The following PCDHA3 variants were observed in gnomAD, a reference collection of about 807,000 sequenced individuals.
The protein encoded by PCDHA3 is protocadherin alpha-3.
Under a neutral mutation model 62.2 loss-of-function variants are expected in PCDHA3, and 41 were observed. The observed-to-expected ratio is 0.66, with a 90% CI of 0.51 to 0.86. PCDHA3 has a LOEUF of 0.86. Among genes scored for constraint, PCDHA3 ranks in the 40% least tolerant of loss-of-function variants. The pLI is 0.00. For synonymous variants in PCDHA3, 640 were observed against 555.4 expected (o/e 1.15, Z -2.14); for missense variants, 1,304 against 1,241.2 (o/e 1.05, Z -0.76).
intron 1 of PCDHA3, chr5:140,843,878 T>A (rs1234503395): frequency 5.4e-6 from 4 of 744,588 alleles, no homozygotes; most frequent in Non-Finnish European, 8.7e-6. Context: ...CTCAGTGGCA[T>A]AATACAGTAT....
intron 1 of PCDHA3, chr5:140,876,422 A>G: frequency 1.2e-6 from 2 of 1,613,978 alleles, no homozygotes; most frequent in Non-Finnish European, 1.7e-6. Context: ...AATGCCTATG[A>G]AATTCAGGTT....
chr5:140,827,867 C>A, intron 1 of PCDHA3: 1 of 615,732 alleles, frequency 1.6e-6, no homozygotes, highest in African/African-American at 1.8e-5. Context: ...TATGGTATAG[C>A]ACTGTTACGT....
intron 1 of PCDHA3, among the ~76,000 whole-genome samples, chr5:140,951,512 C>T (rs2094592870): frequency 6.6e-6 from 1 of 152,004 alleles, no homozygotes; most frequent in Non-Finnish European, 1.5e-5. Context: ...GAAAGCGGCT[C>T]ATCTTACATG....
At chr5:140,966,805 T>G in intron 1 of PCDHA3, 1 of 1,545,566 alleles carries the variant, frequency 6.5e-7, no homozygotes, top group East Asian at 2.4e-5. Context: ...CGACAGAGCA[T>G]CCACGGCTCC....
intron 1 of PCDHA3, chr5:140,969,344 T>G: frequency 6.2e-7 from 1 of 1,613,664 alleles, no homozygotes; most frequent in Non-Finnish European, 8.5e-7. Context: ...GAGACAGTGG[T>G]CAGGGGGTCT....
intron 1 of PCDHA3, among the ~76,000 whole-genome samples, chr5:140,888,848 CAG>C (rs1554183676): frequency 6.6e-6 from 1 of 151,980 alleles, no homozygotes; most frequent in African/African-American, 2.4e-5. Context: ...AGCCTGGTGA[CAG>C]AGTGAGACCA....
intron 1 of PCDHA3, among the ~76,000 whole-genome samples, chr5:140,910,512 G>A (rs2075055738): frequency 6.6e-6 from 1 of 152,144 alleles, no homozygotes; most frequent in Admixed American, 6.5e-5. Flanking sequence ...GCTCTTCAAG[G>A]ATGCAGGTAC....
chr5:140,952,724 C>G (rs1481919445), intron 1 of PCDHA3, among the ~76,000 whole-genome samples: 1 of 152,100 alleles, frequency 6.6e-6, no homozygotes, highest in Non-Finnish European at 1.5e-5. Context: ...ATTTTCTGTA[C>G]TAGTCTTTTC....
intron 3 of PCDHA3, among the ~76,000 whole-genome samples, chr5:140,998,686 T>G (rs1245765431): frequency 6.6e-6 from 1 of 152,118 alleles, no homozygotes; most frequent in Non-Finnish European, 1.5e-5. Context: ...TGCCTCAGCC[T>G]CCCAAGTAGC....
intron 1 of PCDHA3, chr5:140,821,793 A>C: frequency 6.2e-7 from 1 of 1,612,486 alleles, no homozygotes; most frequent in Non-Finnish European, 8.5e-7. Flanking sequence ...ATTCCCGGAG[A>C]GGAAGTCTGG....
chr5:140,870,527 C>T, intron 1 of PCDHA3: 1 of 1,614,236 alleles, frequency 6.2e-7, no homozygotes, highest in Non-Finnish European at 8.5e-7. Context: ...CACATCTTCA[C>T]AGTGTCGGCG....
Position 140,850,271 on chromosome 5 carries a change from G to T in PCDHA3, c.2394+46680G>T, listed in dbSNP as rs2150476864. 1.9e-6 allele frequency: 3 copies of T among 1,595,372 alleles called. No homozygotes were observed. The South Asian group carries it at 3.3e-5, about 18-fold the overall frequency. On this transcript the variant is annotated intron_variant, in intron 1 of 3. Coordinates refer to ENST00000522353, the MANE Select transcript of PCDHA3 (RefSeq NM_018906.3). ...CGGTGGGCGCCGGCGTAGTGGTGGG[G>T]AAGGTGCGCGCAGTGGACGCCGACT...
chr5:140,848,454 G>T, intron 1 of PCDHA3: 1 of 1,522,346 alleles, frequency 6.6e-7, no homozygotes, highest in Non-Finnish European at 8.9e-7. Context: ...CTTCTAATTT[G>T]GAGGCAATTT....
At position 140,803,604 on chromosome 5, in the gene PCDHA3, T is replaced by C; in HGVS notation, c.2394+13T>C. The C allele has an allele frequency of 6.2e-7, 1 of 1,614,180 alleles. No individual in the cohort carries two copies. The highest frequency in any genetic ancestry group is 8.5e-7 in the Non-Finnish European group (1 of 1,180,010). ...TCTCTCAGCCAAAGTGAGTAATTTT[T>C]ATTTATTCTTTCCAAAATGTCTTTG... On this transcript the variant is annotated intron_variant, in intron 1 of 3. Transcript: ENST00000522353.
intron 1 of PCDHA3, chr5:140,865,868 G>A (rs2049029480): frequency 1.3e-5 from 2 of 152,098 alleles, no homozygotes; most frequent in African/African-American, 2.4e-5. Context: ...CATGGTCTCG[G>A]CTAGGAAAAT....
At position 140,877,517 on chromosome 5, in the gene PCDHA3, C is replaced by T. The variant is rs782271327; in HGVS notation, c.2394+73926C>T. ...CAGGCCCCAAAGACGTCGTCGCGGG[C>T]CTCAGTGGGCGCTGTGGATCCCGAA... On this transcript the variant is annotated intron_variant, in intron 1 of 3. Coordinates refer to ENST00000522353, the MANE Select transcript of PCDHA3 (RefSeq NM_018906.3). 5.6e-6 allele frequency: 9 copies of T among 1,613,766 alleles called. No homozygotes were observed. Among genetic ancestry groups the T allele is most frequent in the Non-Finnish European group, 7.6e-6 (9 of 1,179,862 alleles).
In PCDHA3 at chr5:140,884,413, G is replaced by C. The variant is rs376737487; in HGVS notation, c.2394+80822G>C. 13 of 1,613,896 alleles carry C rather than the reference G, an allele frequency of 8.1e-6. No homozygotes were observed. The East Asian group carries it at 2.5e-4, about 30-fold the overall frequency. On this transcript the variant is annotated intron_variant, in intron 1 of 3. Transcript: ENST00000522353. Reference sequence around the variant, plus strand: ...TGTCCAGCCTGTTGGTGCTCACGTTGCTGCTGTATACTGCGCTGCGGTGCT... The same window carrying C: ...TGTCCAGCCTGTTGGTGCTCACGTTCCTGCTGTATACTGCGCTGCGGTGCT...
At chr5:140,957,674 T>C (rs2095374808) in intron 1 of PCDHA3, among the ~76,000 whole-genome samples, 1 of 152,084 alleles carries the variant, frequency 6.6e-6, no homozygotes, top group African/African-American at 2.4e-5. Flanking sequence ...AAATTAATTA[T>C]GAAATATCTA....
At chr5:141,001,723 A>G (rs936645287) in intron 3 of PCDHA3, among the ~76,000 whole-genome samples, 22 of 152,286 alleles carry the variant, frequency 1.4e-4, no homozygotes, top group African/African-American at 4.8e-4. Context: ...GGAGCTTGAG[A>G]TATTTTACAA....
Sources: gnomAD v4.1 joint callset for allele counts (sites outside exome capture counted in the v4.1 genomes callset) on GRCh38, gnomAD v4.1.1 for gene constraint, MANE v1.5 for transcripts, NCBI Gene and HGNC (gene_info 2026-07-23, HGNC 2026-07-21) for gene names.